The following STAG1 variants were observed in gnomAD, a reference collection of about 807,000 sequenced individuals.
The protein encoded by STAG1 is cohesin subunit SA-1.
STAG1 carries 26 observed loss-of-function variants against 170.9 expected under a neutral mutation model. That is an observed-to-expected ratio of 0.15 (90% CI 0.11 to 0.21). STAG1 has a LOEUF of 0.21. STAG1 is among the 10% of genes least tolerant of loss of function. The pLI is 1.00. For synonymous variants in STAG1, 514 were observed against 497.7 expected (o/e 1.03, Z -0.44); for missense variants, 964 against 1,509.5 (o/e 0.64, Z 5.99).
At chr3:136,423,124 G>C (rs1033593409) in intron 16 of STAG1, 80 bp from the exon 17 acceptor site, 2 of 850,690 alleles carry the variant, frequency 2.4e-6, no homozygotes, top group Non-Finnish European at 3.4e-6. Context: ...ATGAAGCACT[G>C]GCAAATAATA....
chr3:136,423,759 A>G (rs1375555046), intron 16 of STAG1, among the ~76,000 whole-genome samples: 1 of 152,232 alleles, frequency 6.6e-6, no homozygotes, highest in Non-Finnish European at 1.5e-5. Flanking sequence ...CGGAACAGAA[A>G]CATTCCAATA....
intron 1 of STAG1, among the ~76,000 whole-genome samples, chr3:136,674,154 A>AGAGGGAGAGAGGGAGGGAGG (rs1184220677): frequency 5.3e-4 from 7 of 13,100 alleles, no homozygotes; most frequent in South Asian, 0.016. Context: ...AGGGAGGGAG[A>AGAGGGAGAGAGGGAGGGAGG]GAGGGAGGGA....
intron 1 of STAG1, among the ~76,000 whole-genome samples, chr3:136,708,967 C>CTTTTTTTT (rs61595071): frequency 1.2e-5 from 1 of 86,064 alleles, no homozygotes; most frequent in Non-Finnish European, 2.1e-5. Context: ...CTGCAGCTGG[C>CTTTTTTTT]TTTTTTTTTT....
intron 1 of STAG1, among the ~76,000 whole-genome samples, chr3:136,730,676 T>C (rs1317664371): frequency 6.6e-6 from 1 of 152,216 alleles, no homozygotes; most frequent in East Asian, 1.9e-4. Flanking sequence ...TCCCAGACAC[T>C]GCTATAGTTT....
chr3:136,649,157 A>G (rs920335522), intron 1 of STAG1, among the ~76,000 whole-genome samples: 3 of 152,118 alleles, frequency 2.0e-5, no homozygotes, highest in Non-Finnish European at 1.5e-5. Context: ...GAAACATTCT[A>G]TTCACTATTT....
At chr3:136,348,076 A>AT (rs945629144) in intron 29 of STAG1, among the ~76,000 whole-genome samples, 5 of 152,240 alleles carry the variant, frequency 3.3e-5, no homozygotes, top group East Asian at 3.9e-4. Flanking sequence ...TTTATTAGTC[A>AT]TTTTTTTAGG....
intron 1 of STAG1, among the ~76,000 whole-genome samples, chr3:136,749,672 G>A (rs904517658): frequency 6.7e-6 from 1 of 149,816 alleles, no homozygotes; most frequent in Non-Finnish European, 1.5e-5. Context: ...CTTGAACCCA[G>A]GAGGCGGAGG....
At chr3:136,663,414 T>C (rs1411562190) in intron 1 of STAG1, among the ~76,000 whole-genome samples, 1 of 152,176 alleles carries the variant, frequency 6.6e-6, no homozygotes, top group East Asian at 1.9e-4. Flanking sequence ...AGATTATAAG[T>C]GGCAGAATTT....
chr3:136,528,637 C>T (rs1407411906), intron 6 of STAG1, among the ~76,000 whole-genome samples: 1 of 151,764 alleles, frequency 6.6e-6, no homozygotes, highest in Non-Finnish European at 1.5e-5. Flanking sequence ...CAAAAATTTA[C>T]CAAAGAAATA....
intron 4 of STAG1, among the ~76,000 whole-genome samples, chr3:136,570,259 C>A (rs2107763727): frequency 6.6e-6 from 1 of 152,138 alleles, no homozygotes; most frequent in African/African-American, 2.4e-5. Context: ...TGCATATTAC[C>A]ATGAATTAGT....
rs140612581 is a variant in STAG1, at chr3:136,523,577, G to C, written c.472-2160C>G. Among the ~76,000 whole-genome samples, 1,087 of 152,272 alleles carry C rather than the reference G, an allele frequency of 7.1e-3. 14 individuals carry two copies. The highest frequency in any genetic ancestry group is 0.024 in the African/African-American group (978 of 41,554). ...CACTCTGATGGTAGTTTCTTTTGCT[G>C]TGCAGAAGCTCTTTAGTTTAATTAG... On this transcript the variant is annotated intron_variant, in intron 6 of 33. Coordinates refer to ENST00000383202, the MANE Select transcript of STAG1 (RefSeq NM_005862.3).
chr3:136,666,074 C>CAAAAAAAAAAAAAA lies in STAG1; in HGVS notation c.-83-35107_-83-35094dup, dbSNP rs576009223. ...TGGGCGATAGAGTGAGACTCCATCT[C>CAAAAAAAAAAAAAA]AAAAAAAAAAAAAAAAAAAAAAAAA... On this transcript the variant is annotated intron_variant, in intron 1 of 33. Coordinates refer to ENST00000383202, the MANE Select transcript of STAG1 (RefSeq NM_005862.3). Among the ~76,000 whole-genome samples, 32 of 51,172 alleles carry CAAAAAAAAAAAAAA rather than the reference C, an allele frequency of 6.3e-4. 4 individuals carry two copies. The highest frequency in any genetic ancestry group is 3.4e-3 in the East Asian group (3 of 874). 33.6% of individuals were successfully genotyped at this position (51,172 alleles called of 152,430 possible).
intron 12 of STAG1, among the ~76,000 whole-genome samples, chr3:136,465,994 C>T (rs1448348366): frequency 6.6e-6 from 1 of 152,078 alleles, no homozygotes; most frequent in Non-Finnish European, 1.5e-5. Flanking sequence ...CACACCAAAA[C>T]CCCATCTGTA....
chr3:136,616,188 G>C (rs971701088), intron 3 of STAG1, among the ~76,000 whole-genome samples: 2 of 151,660 alleles, frequency 1.3e-5, no homozygotes. Flanking sequence ...AGAATGGCAT[G>C]AACCTGGGAG....
At chr3:136,576,500 T>C (rs900156980) in intron 4 of STAG1, among the ~76,000 whole-genome samples, 25 of 152,230 alleles carry the variant, frequency 1.6e-4, no homozygotes, top group African/African-American at 5.8e-4. Context: ...TGACATTTGC[T>C]ATAATTATGA....
intron 22 of STAG1, among the ~76,000 whole-genome samples, chr3:136,388,596 T>C (rs1483831533): frequency 6.6e-6 from 1 of 152,176 alleles, no homozygotes; most frequent in African/African-American, 2.4e-5. Flanking sequence ...CTCGAACTCC[T>C]GGCCTCCAGA....
intron 15 of STAG1, among the ~76,000 whole-genome samples, chr3:136,441,839 C>T (rs1199819458): frequency 1.3e-5 from 2 of 152,040 alleles, no homozygotes; most frequent in Non-Finnish European, 2.9e-5. Flanking sequence ...AAAAGGCAAA[C>T]TAAGGATTAG....
At chr3:136,547,320 C>T (rs1026705224) in intron 5 of STAG1, among the ~76,000 whole-genome samples, 5 of 152,148 alleles carry the variant, frequency 3.3e-5, no homozygotes, top group Admixed American at 6.6e-5. Flanking sequence ...ATGCAGACTT[C>T]CTTAGTTTTT....
intron 32 of STAG1, 46 bp from the exon 33 acceptor site, chr3:136,338,496 GAC>G (rs1162599849): frequency 1.5e-6 from 2 of 1,375,208 alleles, no homozygotes; most frequent in South Asian, 1.2e-5. Flanking sequence ...AGATCATTAA[GAC>G]AATGAATTGT....
Sources: gnomAD v4.1 joint callset for allele counts (sites outside exome capture counted in the v4.1 genomes callset) on GRCh38, gnomAD v4.1.1 for gene constraint, MANE v1.5 for transcripts, NCBI Gene and HGNC (gene_info 2026-07-23, HGNC 2026-07-21) for gene names.